The following HDGFL2 variants were observed in gnomAD, a reference collection of about 807,000 sequenced individuals.
HDGFL2 encodes the protein HDGF like 2.
HDGFL2 carries 36 observed loss-of-function variants against 77.1 expected under a neutral mutation model. The observed-to-expected ratio is 0.47, with a 90% CI of 0.36 to 0.62. The LOEUF is 0.62. HDGFL2 is among the 20% of genes least tolerant of loss of function. The pLI is 0.00. For missense variants in HDGFL2, 976 were observed against 973.4 expected, an observed-to-expected ratio of 1.00 and a Z score of -0.04; for synonymous variants, 463 against 413.1, an observed-to-expected ratio of 1.12 and a Z score of -1.46.
intron 6 of HDGFL2, among the ~76,000 whole-genome samples, chr19:4,493,414 A>G (rs1340766143): frequency 6.6e-6 from 1 of 152,020 alleles, no homozygotes; most frequent in Admixed American, 6.6e-5. Context: ...TTGCATAAAG[A>G]AAAAGATGTC....
intron 3 of HDGFL2, among the ~76,000 whole-genome samples, chr19:4,482,026 CTTTTTTTTTTTTT>C (rs34398630): frequency 1.4e-5 from 1 of 71,664 alleles, no homozygotes; most frequent in Admixed American, 2.3e-4. Flanking sequence ...TGGCTTTGGC[CTTTTTTTTTTTTT>C]TTTTTTTTTT....
chr19:4,497,704 G>A (rs1035777700), intron 10 of HDGFL2: 6 of 539,338 alleles, frequency 1.1e-5, no homozygotes, highest in Admixed American at 3.5e-5. Context: ...TGTGAACGAG[G>A]AAAAGAATCC....
intron 1 of HDGFL2, 57 bp downstream of exon 1, chr19:4,472,479 C>T: frequency 1.9e-6 from 2 of 1,042,134 alleles, no homozygotes; most frequent in Non-Finnish European, 2.5e-6. Flanking sequence ...AGCGGGGGCC[C>T]CGGGCCGGAG....
At chr19:4,501,570 G>A (rs1382319096) in intron 15 of HDGFL2, 2 of 490,492 alleles carry the variant, frequency 4.1e-6, no homozygotes, top group East Asian at 3.6e-5. Context: ...GCTTCTTGCC[G>A]AGCCTCCAGG....
chr19:4,477,851 G>C (rs988560696), intron 3 of HDGFL2, among the ~76,000 whole-genome samples: 3 of 152,074 alleles, frequency 2.0e-5, no homozygotes, highest in African/African-American at 7.2e-5. Context: ...GGAGGCTGTG[G>C]CTGGTGGATC....
At chr19:4,497,923 G>A in intron 10 of HDGFL2, 35 bp from the exon 11 acceptor site, 1 of 1,541,064 alleles carries the variant, frequency 6.5e-7, no homozygotes, top group Non-Finnish European at 8.8e-7. Context: ...GAGTGCCGGT[G>A]ACGGGGCCCG....
At position 4,488,716 on chromosome 19, in the gene HDGFL2, C is replaced by T. The variant is rs1975424797; in HGVS notation, c.329C>T (p.Pro110Leu). The T allele has an allele frequency of 6.4e-6, 10 of 1,552,600 alleles. No individual in the cohort carries two copies. Among genetic ancestry groups the T allele is most frequent in the Non-Finnish European group, 8.7e-6 (10 of 1,148,956 alleles). The change falls in exon 4 of 16, where the codon CCC (proline) becomes CTC (leucine). Residue 110 changes from proline (P) to leucine (L), a missense_variant. Physicochemically the swap from Pro to Leu is moderately conservative, Grantham distance 98. Transcript: ENST00000616600. Reference protein sequence around the residue: ...SSDSEAPEANPADGSDADEDD... With the variant: ...SSDSEAPEANLADGSDADEDD... ...GACAGCGAGGCCCCCGAGGCCAACC[C>T]CGCCGACGGCAGTGACGCTGACGAG...
At chr19:4,486,036 G>A (rs1254665770) in intron 3 of HDGFL2, among the ~76,000 whole-genome samples, 5 of 132,864 alleles carry the variant, frequency 3.8e-5, no homozygotes, top group Non-Finnish European at 6.3e-5. Flanking sequence ...CTGGGTGACA[G>A]AGTAAGACCC....
At position 4,496,373 on chromosome 19, in the gene HDGFL2, G is replaced by T. The variant is rs1158856025; in HGVS notation, c.1296G>T (p.Lys432Asn). 5 of 1,613,928 alleles carry T rather than the reference G, an allele frequency of 3.1e-6. No homozygotes were observed. The African/African-American group carries it at 4.0e-5, about 13-fold the overall frequency. The change falls in exon 10 of 16, where the codon AAG becomes AAT. Residue 432 changes from lysine (K) to asparagine (N), a missense_variant. Transcript: ENST00000616600. Reference protein sequence around the residue: ...EPARKPGQKEKRVRPEEKQQA... With the variant: ...EPARKPGQKENRVRPEEKQQA... Reference sequence around the variant, plus strand: ...CCAGGAAACCTGGCCAGAAGGAGAAGAGAGTGCGGCCCGAGGAGAAGCAAC... The same window carrying T: ...CCAGGAAACCTGGCCAGAAGGAGAATAGAGTGCGGCCCGAGGAGAAGCAAC...
Position 4,488,932 on chromosome 19 carries a change from T to G in HDGFL2, c.489+56T>G. The G allele has an allele frequency of 8.8e-6, 11 of 1,256,486 alleles. No individual in the cohort carries two copies. The South Asian group carries it at 1.4e-4, about 16-fold the overall frequency. The allele number at this position is 1,256,486 out of a possible 1,614,324, so 77.8% of individuals were successfully genotyped here. A position where few individuals can be genotyped will look rare whatever the true frequency, so the allele number is the denominator to read the frequency against. On this transcript the variant is annotated intron_variant, in intron 4 of 15. Coordinates refer to ENST00000616600, the MANE Select transcript of HDGFL2 (RefSeq NM_001001520.3). The stretch of plus-strand genomic sequence containing the variant: ...CATCCCCTTGCCCTGATGTCTCGCC[T>G]GGCAGCTTGCTCTCCTGCCCTTTTT...
In HDGFL2 at chr19:4,494,238, C is replaced by CCGG. The variant is rs1188916809; in HGVS notation, c.996_998dup (p.Arg333dup). ...AGGCGCGGAGGCGCGAGCTGGAGGC[C>CCGG]CGGCGGCGGCGAGAGCAGGAGGAGG... On this transcript the variant is annotated inframe_insertion, in exon 9 of 16. Coordinates refer to ENST00000616600, the MANE Select transcript of HDGFL2 (RefSeq NM_001001520.3). 6.8e-7 allele frequency: 1 copy of CCGG among 1,461,342 alleles called. No homozygotes were observed. Among genetic ancestry groups the CCGG allele is most frequent in the Non-Finnish European group, 9.0e-7 (1 of 1,110,258 alleles). The allele number at this position is 1,461,342 out of a possible 1,614,324, so 90.5% of individuals were successfully genotyped here. A position where few individuals can be genotyped will look rare whatever the true frequency, so the allele number is the denominator to read the frequency against.
chr19:4,477,168 C>T (rs1975094102), intron 3 of HDGFL2, among the ~76,000 whole-genome samples: 1 of 152,094 alleles, frequency 6.6e-6, no homozygotes, highest in Non-Finnish European at 1.5e-5. Flanking sequence ...CTGGGTGGTG[C>T]TTGTGAGCAT....
chr19:4,488,188 C>T (rs952974181), intron 3 of HDGFL2, among the ~76,000 whole-genome samples: 3 of 152,194 alleles, frequency 2.0e-5, no homozygotes, highest in African/African-American at 7.2e-5. Context: ...CCAGGTTGGT[C>T]TCGAACACCT....
At chr19:4,497,194 GTTTTTGT>G (rs771505693) in intron 10 of HDGFL2, 50 of 432,424 alleles carry the variant, frequency 1.2e-4, no homozygotes, top group Middle Eastern at 1.4e-3. Context: ...TTTTGTTTTT[GTTTTTGT>G]TTTTTTTTGA....
In HDGFL2 at chr19:4,494,264, A is replaced by G; in HGVS notation, c.1013A>G (p.Glu338Gly). Residue 338 changes from glutamate to glycine, a missense_variant, in exon 9 of 16, where the codon GAG becomes GGG. Glu to Gly is a moderately conservative substitution (Grantham distance 98). Around this residue, in one of 5 missense-constraint regions of HDGFL2, gnomAD observed 567 missense variants for 534.7 expected, o/e 1.06. Coordinates refer to ENST00000616600, the MANE Select transcript of HDGFL2 (RefSeq NM_001001520.3). ...EARRRREQEE[E>G]LRRLREQEKE... ...CGGCGGCGGCGAGAGCAGGAGGAGG[A>G]GCTGCGGCGCCTGCGGGAGCAGGAG... is the stretch of plus-strand genomic sequence containing the variant. The G allele has an allele frequency of 6.9e-7, 1 of 1,455,996 alleles. No homozygotes were observed. The highest frequency in any genetic ancestry group is 9.0e-7 in the Non-Finnish European group (1 of 1,108,482). The allele number at this position is 1,455,996 out of a possible 1,614,324, so 90.2% of individuals were successfully genotyped here.
chr19:4,497,824 G>A (rs1405159027), intron 10 of HDGFL2, 134 bp from the exon 11 acceptor site: 13 of 775,156 alleles, frequency 1.7e-5, no homozygotes, highest in East Asian at 5.4e-5. Context: ...CCCGCCTCCC[G>A]TTTCCCGGCT....
At chr19:4,499,385 T>C in intron 13 of HDGFL2, 106 bp from the exon 14 acceptor site, 1 of 910,064 alleles carries the variant, frequency 1.1e-6, no homozygotes. Context: ...AGAGCTGTGC[T>C]CCCGGGAGGG....
At position 4,494,219 on chromosome 19, in the gene HDGFL2, G is replaced by A. The variant is rs1291978426; in HGVS notation, c.968G>A (p.Arg323Gln). 6.8e-6 allele frequency: 10 copies of A among 1,466,378 alleles called. No homozygotes were observed. The highest frequency in any genetic ancestry group is 2.8e-5 in the South Asian group (2 of 72,112). The allele number at this position is 1,466,378 out of a possible 1,614,324, so 90.8% of individuals were successfully genotyped here. Reference protein sequence around the residue: ...ISEWKRRDEARRRELEARRRR... With the variant: ...ISEWKRRDEAQRRELEARRRR... ...GAGTGGAAGCGGCGGGACGAGGCGC[G>A]GAGGCGCGAGCTGGAGGCCCGGCGG... The change falls in exon 9 of 16, where the codon CGG (arginine) becomes CAG (glutamine). Residue 323 changes from arginine (R) to glutamine (Q), a missense_variant. Physicochemically the swap from Arg to Gln is conservative, Grantham distance 43. Transcript: ENST00000616600.
At chr19:4,474,581 G>A (rs566779487) in intron 1 of HDGFL2, among the ~76,000 whole-genome samples, 13 of 152,132 alleles carry the variant, frequency 8.5e-5, no homozygotes, top group Non-Finnish European at 1.3e-4. Context: ...ACTCCAGCCT[G>A]CTGTGCTCGC....
Sources: gnomAD v4.1 joint callset for allele counts (sites outside exome capture counted in the v4.1 genomes callset) on GRCh38, gnomAD v4.1.1 for gene constraint, gnomAD v4.1.1 regional missense constraint, MANE v1.5 for transcripts, NCBI Gene and HGNC (gene_info 2026-07-23, HGNC 2026-07-21) for gene names.